Variants in RNF144B observed in about 807,000 individuals in gnomAD.
RNF144B encodes E3 ubiquitin-protein ligase RNF144B.
RNF144B carries 25 observed loss-of-function variants against 40.2 expected under a neutral mutation model. The observed-to-expected ratio is 0.62, with a 90% confidence interval of 0.45 to 0.87. The LOEUF (loss-of-function observed/expected upper bound fraction) is 0.87. Among genes scored for constraint, RNF144B ranks in the 40% least tolerant of loss-of-function variants. The pLI, the probability that RNF144B is intolerant of heterozygous loss-of-function variation, is 0.00. For missense variants in RNF144B, 365 were observed against 373.7 expected (o/e 0.98, Z 0.19); for synonymous variants, 145 against 136.3 (o/e 1.06, Z -0.44).
In RNF144B at chr6:18,392,460, CT is replaced by C. The variant is rs35549378; in HGVS notation, c.-37+4841del. Among the ~76,000 whole-genome samples the C allele has an allele frequency of 5.5e-3, 805 of 146,596 alleles. 4 individuals are homozygous for C. The highest frequency in any genetic ancestry group is 0.016 in the African/African-American group (652 of 40,230). Reference sequence around the variant, plus strand: ...CTTCTCCTTCCTGATGAAGTGCCTACTTTTTTTTTTTAACCCACAAAAAGGT... The same window carrying C: ...CTTCTCCTTCCTGATGAAGTGCCTACTTTTTTTTTTAACCCACAAAAAGGT... On this transcript the variant is annotated intron_variant, in intron 1 of 7. Transcript: ENST00000259939.
Position 18,414,750 on chromosome 6 carries a change from T to G in RNF144B, c.166-12831T>G, listed in dbSNP as rs1011938774. On this transcript the variant is annotated intron_variant, in intron 2 of 7. Transcript: ENST00000259939. The surrounding 1 kb of genome is among the most constrained non-coding windows in gnomAD (Gnocchi z 4.9). ...TCTGAGATTTGATGAATGGTATAAA[T>G]TTTATCTTTTGCTTTTAGTTTTAAA... Among the ~76,000 whole-genome samples, 5 of 152,220 alleles carry G rather than the reference T, an allele frequency of 3.3e-5. No individual in the cohort carries two copies. Among genetic ancestry groups the G allele is most frequent in the African/African-American group, 9.6e-5 (4 of 41,458 alleles).
chr6:18,427,817 T>C, intron 3 of RNF144B, 132 bp downstream of exon 3: 1 of 610,074 alleles, frequency 1.6e-6, no homozygotes, highest in South Asian at 2.1e-5. Context: ...AGGAGCACTT[T>C]ATTGCAGCTT....
At chr6:18,449,008 A>G (rs1246754209) in intron 4 of RNF144B, among the ~76,000 whole-genome samples, 1 of 152,172 alleles carries the variant, frequency 6.6e-6, no homozygotes, top group East Asian at 1.9e-4. Flanking sequence ...GTGTCTATTC[A>G]ATCTTGAACA....
intron 3 of RNF144B, among the ~76,000 whole-genome samples, chr6:18,428,709 A>G (rs1758623617): frequency 6.6e-6 from 1 of 152,136 alleles, no homozygotes; most frequent in Non-Finnish European, 1.5e-5. Context: ...ACCACCCCCC[A>G]GTTGTTTTCA....
At chr6:18,389,423 C>G (rs1794537918) in intron 1 of RNF144B, among the ~76,000 whole-genome samples, 1 of 152,154 alleles carries the variant, frequency 6.6e-6, no homozygotes, top group East Asian at 1.9e-4. Context: ...TCTTTCTCCT[C>G]AGTAGTATGA....
At chr6:18,399,454 C>A in intron 1 of RNF144B, 45 bp from the exon 2 acceptor site, 2 of 1,369,612 alleles carry the variant, frequency 1.5e-6, no homozygotes, top group Non-Finnish European at 2.0e-6. Flanking sequence ...TAAACAATAG[C>A]TTTATCAATC....
chr6:18,462,098 C>T (rs186718816), intron 6 of RNF144B, among the ~76,000 whole-genome samples: 5 of 152,314 alleles, frequency 3.3e-5, no homozygotes, highest in Admixed American at 1.3e-4. Flanking sequence ...CATTTAAACA[C>T]GAGTAAACAT....
chr6:18,390,881 G>A (rs1794566051), intron 1 of RNF144B, among the ~76,000 whole-genome samples: 1 of 152,114 alleles, frequency 6.6e-6, no homozygotes, highest in African/African-American at 2.4e-5. Flanking sequence ...TTCTTTGTGT[G>A]TTGACTTTGT....
chr6:18,424,902 C>T (rs1335889700), intron 2 of RNF144B, among the ~76,000 whole-genome samples: 1 of 152,172 alleles, frequency 6.6e-6, no homozygotes, highest in East Asian at 1.9e-4. Flanking sequence ...AAGGATATCT[C>T]AGAAGGTCAA....
Position 18,414,129 on chromosome 6 carries a change from T to C in RNF144B, c.166-13452T>C, listed in dbSNP as rs980657845. Reference sequence around the variant, plus strand: ...GCAATGTAACTTATAATTAGAAAGATGCTGATTTTGCTGTGGAGTCATTGA... The same window carrying C: ...GCAATGTAACTTATAATTAGAAAGACGCTGATTTTGCTGTGGAGTCATTGA... On this transcript the variant is annotated intron_variant, in intron 2 of 7. Coordinates refer to ENST00000259939, the MANE Select transcript of RNF144B (RefSeq NM_182757.4). The surrounding 1 kb of genome is among the most constrained non-coding windows in gnomAD (Gnocchi z 4.9). Among the ~76,000 whole-genome samples, 2 of 152,232 alleles carry C rather than the reference T, an allele frequency of 1.3e-5. No individual in the cohort carries two copies. The highest frequency in any genetic ancestry group is 2.9e-5 in the Non-Finnish European group (2 of 68,034).
chr6:18,442,146 A>G lies in RNF144B; in HGVS notation c.331+2402A>G, dbSNP rs1274704471. Reference sequence around the variant, plus strand: ...GCTAAGATTTCCACTCTTTCCCCAGATAGTGGTTGGCTTTTTGACTTTTCA... The same window carrying G: ...GCTAAGATTTCCACTCTTTCCCCAGGTAGTGGTTGGCTTTTTGACTTTTCA... On this transcript the variant is annotated intron_variant, in intron 4 of 7. Coordinates refer to ENST00000259939, the MANE Select transcript of RNF144B (RefSeq NM_182757.4). This position sits in a 1 kb window ranked among gnomAD's most constrained non-coding sequence, Gnocchi z 4.3. 6.6e-6 allele frequency among the ~76,000 whole-genome samples: 1 copy of G among 152,208 alleles called. No individual in the cohort carries two copies. Among genetic ancestry groups the G allele is most frequent in the East Asian group, 1.9e-4 (1 of 5,198 alleles).
At chr6:18,432,391 C>A (rs1758713801) in intron 3 of RNF144B, among the ~76,000 whole-genome samples, 1 of 152,182 alleles carries the variant, frequency 6.6e-6, no homozygotes, top group Non-Finnish European at 1.5e-5. Context: ...GAGGTGAACA[C>A]ACTAGGAGCC....
rs551497573 is a variant in RNF144B, at chr6:18,437,801, AC to A, written c.271-1882del. Among the ~76,000 whole-genome samples, 374 of 152,364 alleles carry A rather than the reference AC, an allele frequency of 2.5e-3. 1 individual carries two copies. Among genetic ancestry groups the A allele is most frequent in the Admixed American group, 8.9e-3 (136 of 15,304 alleles). On this transcript the variant is annotated intron_variant, in intron 3 of 7. Coordinates refer to ENST00000259939, the MANE Select transcript of RNF144B (RefSeq NM_182757.4). ...ACTGCATTAATTTCTGTCATTTTTC[AC>A]ATTAACATTTCATCTGTATCTAAAA... is the stretch of plus-strand genomic sequence containing the variant.
In RNF144B at chr6:18,442,050, G is replaced by T. The variant is rs1758977478; in HGVS notation, c.331+2306G>T. 6.6e-6 allele frequency among the ~76,000 whole-genome samples: 1 copy of T among 152,152 alleles called. No individual in the cohort carries two copies. Among genetic ancestry groups the T allele is most frequent in the African/African-American group, 2.4e-5 (1 of 41,436 alleles). On this transcript the variant is annotated intron_variant, in intron 4 of 7. Coordinates refer to ENST00000259939, the MANE Select transcript of RNF144B (RefSeq NM_182757.4). The surrounding 1 kb of genome is among the most constrained non-coding windows in gnomAD (Gnocchi z 4.3). ...TTATTGATTGTCTTGTTGTCAGTGG[G>T]ATTAGAACACTTGAAGTTAATTGGC...
rs962603353 is a variant in RNF144B at position 18,427,490 on chromosome 6, T to C, written c.166-91T>C. 1.8e-5 allele frequency: 14 copies of C among 781,818 alleles called. No homozygotes were observed. The African/African-American group carries it at 2.4e-4, about 13-fold the overall frequency. The allele number at this position is 781,818 out of a possible 1,614,324, so 48.4% of individuals were successfully genotyped here. ...AGTACAAGAGCCTCAGGACAGCCAATTAAGGAAGAAGACACAGTGGTGGTT... is the reference window on the plus strand; with the variant it reads ...AGTACAAGAGCCTCAGGACAGCCAACTAAGGAAGAAGACACAGTGGTGGTT... On this transcript the variant is annotated intron_variant, in intron 2 of 7. Coordinates refer to ENST00000259939, the MANE Select transcript of RNF144B (RefSeq NM_182757.4).
chr6:18,414,492 G>A lies in RNF144B; in HGVS notation c.166-13089G>A, dbSNP rs528373864. On this transcript the variant is annotated intron_variant, in intron 2 of 7. Transcript: ENST00000259939. This position sits in a 1 kb window ranked among gnomAD's most constrained non-coding sequence, Gnocchi z 4.9. Reference sequence around the variant, plus strand: ...GTTGGTGATGAGTTAGCTTTATTCTGTCACTTATACAGTGTTAATATTCTT... The same window carrying A: ...GTTGGTGATGAGTTAGCTTTATTCTATCACTTATACAGTGTTAATATTCTT... 1.6e-4 allele frequency among the ~76,000 whole-genome samples: 24 copies of A among 152,212 alleles called. No individual in the cohort carries two copies. Among genetic ancestry groups the A allele is most frequent in the Non-Finnish European group, 2.8e-4 (19 of 67,998 alleles).
chr6:18,429,398 A>G (rs1435061368), intron 3 of RNF144B, among the ~76,000 whole-genome samples: 4 of 152,202 alleles, frequency 2.6e-5, no homozygotes, highest in South Asian at 2.1e-4. Context: ...TTGTAAGTGA[A>G]GCAGTCAGAA....
rs1180571538 is a variant in RNF144B, at chr6:18,414,562, A to T, written c.166-13019A>T. Among the ~76,000 whole-genome samples, 1 of 152,204 alleles carries T rather than the reference A, an allele frequency of 6.6e-6. No homozygotes were observed. Among genetic ancestry groups the T allele is most frequent in the African/African-American group, 2.4e-5 (1 of 41,458 alleles). On this transcript the variant is annotated intron_variant, in intron 2 of 7. Coordinates refer to ENST00000259939, the MANE Select transcript of RNF144B (RefSeq NM_182757.4). The surrounding 1 kb of genome is among the most constrained non-coding windows in gnomAD (Gnocchi z 4.9). ...GATAGTTATTAATATTGCTACCACT[A>T]GTTTTATTTAAAAATGTTTTAATTT...
At chr6:18,435,164 G>A (rs544523274) in intron 3 of RNF144B, among the ~76,000 whole-genome samples, 20 of 152,286 alleles carry the variant, frequency 1.3e-4, no homozygotes, top group Admixed American at 3.9e-4. Context: ...TGCTTGGATA[G>A]GAGAGAGAAA....
Sources: gnomAD v4.1 joint callset for allele counts (sites outside exome capture counted in the v4.1 genomes callset) on GRCh38, gnomAD v4.1.1 for gene constraint, Gnocchi (gnomAD v3.1) non-coding constraint, MANE v1.5 for transcripts, NCBI Gene and HGNC (gene_info 2026-07-23, HGNC 2026-07-21) for gene names.